Variants in ZDHHC7 observed in about 807,000 individuals in gnomAD.
The protein encoded by ZDHHC7 is zDHHC palmitoyltransferase 7, also known as palmitoyltransferase ZDHHC7.
Under a neutral mutation model 34.1 loss-of-function variants are expected in ZDHHC7, and 12 were observed. That is an observed-to-expected ratio of 0.35 (90% CI 0.23 to 0.57). The LOEUF is 0.57. ZDHHC7 is among the 20% of genes least tolerant of loss of function. ZDHHC7 has a pLI of 0.84. For synonymous variants in ZDHHC7, 185 were observed against 155.4 expected (o/e 1.19, Z -1.42); for missense variants, 388 against 402.7 (o/e 0.96, Z 0.31).
chr16:84,998,451 C>A (rs1248362696), intron 1 of ZDHHC7, among the ~76,000 whole-genome samples: 1 of 152,126 alleles, frequency 6.6e-6, no homozygotes, highest in Non-Finnish European at 1.5e-5. Context: ...CACGACAGTG[C>A]TTTTTCTGCC....
rs2072280568 is a variant in ZDHHC7 at position 84,975,296 on chromosome 16, T to G, written c.*1047A>C. Reference sequence around the variant, plus strand: ...TGGCTGCCTCATGGTCCCCTCCCCTTCCCAGAGGTGCCCAATGGCTGGGCC... The same window carrying G: ...TGGCTGCCTCATGGTCCCCTCCCCTGCCCAGAGGTGCCCAATGGCTGGGCC... On this transcript the variant is annotated 3_prime_UTR_variant, in exon 8 of 8. Transcript: ENST00000313732. 6.6e-6 allele frequency: 1 copy of G among 152,474 alleles called. No homozygotes were observed. The highest frequency in any genetic ancestry group is 6.5e-5 in the Admixed American group (1 of 15,286). 9.4% of individuals were successfully genotyped at this position (152,474 alleles called of 1,614,324 possible).
At chr16:85,010,746 G>A (rs2072780241) in intron 1 of ZDHHC7, among the ~76,000 whole-genome samples, 1 of 152,208 alleles carries the variant, frequency 6.6e-6, no homozygotes, top group Non-Finnish European at 1.5e-5. Context: ...TTACTGCCCT[G>A]AAAGCTTTAC....
At chr16:85,025,421 G>A in the ZDHHC7 span, among the ~76,000 whole-genome samples, 12 of 116,432 alleles carry the variant, frequency 1.0e-4, no homozygotes, top group African/African-American at 4.1e-4. Context: ...TTCCTTTTTT[G>A]GGGGGGGGGA....
At chr16:85,021,013 G>A in the ZDHHC7 span, among the ~76,000 whole-genome samples, 1 of 151,898 alleles carries the variant, frequency 6.6e-6, no homozygotes, top group Non-Finnish European at 1.5e-5. Context: ...GCTGAGGTGG[G>A]AGGATCGCTT....
chr16:84,985,307 G>C (rs939002776), intron 3 of ZDHHC7, among the ~76,000 whole-genome samples: 1 of 152,242 alleles, frequency 6.6e-6, no homozygotes, highest in Non-Finnish European at 1.5e-5. Context: ...TTCCAGGGCA[G>C]TTAGGCTTCG....
intron 1 of ZDHHC7, among the ~76,000 whole-genome samples, chr16:85,001,342 G>A (rs1412776732): frequency 4.6e-5 from 7 of 152,124 alleles, no homozygotes; most frequent in African/African-American, 1.7e-4. Flanking sequence ...ATGGTGGCCA[G>A]TACCTGTAAT....
At chr16:84,992,838 T>TTC (rs1400794377) in intron 2 of ZDHHC7, among the ~76,000 whole-genome samples, 1 of 152,204 alleles carries the variant, frequency 6.6e-6, no homozygotes. Flanking sequence ...TGGGTGTGAC[T>TTC]TTTTCTTTTC....
Position 84,990,457 on chromosome 16 carries a change from C to T in ZDHHC7, c.162G>A (p.Thr54=), listed in dbSNP as rs1450972662. Residue 54 remains threonine (T), a synonymous_variant, in exon 3 of 8, where the codon ACG becomes ACA. Transcript: ENST00000313732. The stretch of plus-strand genomic sequence containing the variant: ...AGTCTGCATAGGCGACCAGAAGCCA[C>T]GTCATGACAGCACAGATCATGCCGC... ...DGCGMICAVM[T]WLLVAYADFV... The T allele has an allele frequency of 1.1e-5, 18 of 1,614,034 alleles. No homozygotes were observed. Among genetic ancestry groups the T allele is most frequent in the Non-Finnish European group, 1.3e-5 (15 of 1,180,022 alleles).
chr16:85,006,089 G>A (rs2072713377), intron 1 of ZDHHC7, among the ~76,000 whole-genome samples: 1 of 152,182 alleles, frequency 6.6e-6, no homozygotes, highest in South Asian at 2.1e-4. Flanking sequence ...ACAGGCCAGA[G>A]GTGGCGGCTC....
chr16:85,015,186 G>C (rs956365996), upstream of ZDHHC7, among the ~76,000 whole-genome samples: 8 of 150,688 alleles, frequency 5.3e-5, no homozygotes, highest in Non-Finnish European at 1.0e-4. Context: ...TGCAACCTCC[G>C]CGTCCCAGGT....
At chr16:84,987,379 T>G (rs1199897973) in intron 3 of ZDHHC7, among the ~76,000 whole-genome samples, 2 of 151,974 alleles carry the variant, frequency 1.3e-5, no homozygotes, top group African/African-American at 4.8e-5. Flanking sequence ...GGCAATAATG[T>G]GTTGAAGATG....
chr16:85,024,379 G>C, the ZDHHC7 span, among the ~76,000 whole-genome samples: 1 of 150,692 alleles, frequency 6.6e-6, no homozygotes, highest in Non-Finnish European at 1.5e-5. Flanking sequence ...TTATAGGCAC[G>C]CGCCACCATG....
chr16:85,014,391 T>G (rs2072825832), upstream of ZDHHC7, among the ~76,000 whole-genome samples: 1 of 152,220 alleles, frequency 6.6e-6, no homozygotes, highest in South Asian at 2.1e-4. Flanking sequence ...TTCGTCAAGG[T>G]GCTCTTTTTT....
At chr16:85,015,934 G>C (rs973102236), upstream of ZDHHC7, among the ~76,000 whole-genome samples, 1 of 152,082 alleles carries the variant, frequency 6.6e-6, no homozygotes, top group African/African-American at 2.4e-5. Context: ...CTGGAATTTG[G>C]TGTCATATGA....
In ZDHHC7 at chr16:84,988,800, C is replaced by T. The variant is rs1353250163; in HGVS notation, c.315+1504G>A. 4 of 1,551,780 alleles carry T rather than the reference C, an allele frequency of 2.6e-6. No individual in the cohort carries two copies. In the South Asian group the frequency reaches 3.6e-5, roughly 14 times the overall value. ...TTGCACAGACTCGGTTCCCTCACCACAAATGCCCACAAGGGTTGGGTCCAG... is the reference window on the plus strand; with the variant it reads ...TTGCACAGACTCGGTTCCCTCACCATAAATGCCCACAAGGGTTGGGTCCAG... On this transcript the variant is annotated intron_variant, in intron 3 of 7. Coordinates refer to ENST00000313732, the MANE Select transcript of ZDHHC7 (RefSeq NM_017740.3).
intron 5 of ZDHHC7, 75 bp from the exon 6 acceptor site, chr16:84,978,080 C>T: frequency 8.0e-7 from 1 of 1,254,672 alleles, no homozygotes; most frequent in Non-Finnish European, 1.1e-6. Flanking sequence ...CTCTGTTGTC[C>T]AGGCTGGAAT....
At chr16:84,991,363 G>A (rs2072507314) in intron 2 of ZDHHC7, among the ~76,000 whole-genome samples, 1 of 152,090 alleles carries the variant, frequency 6.6e-6, no homozygotes, top group Non-Finnish European at 1.5e-5. Context: ...TTGGCTCACT[G>A]CAACCTCCGT....
chr16:84,976,405 C>A lies in ZDHHC7; in HGVS notation c.865G>T (p.Gly289Cys). 6.2e-7 allele frequency: 1 copy of A among 1,614,100 alleles called. No individual in the cohort carries two copies. The highest frequency in any genetic ancestry group is 1.1e-5 in the South Asian group (1 of 91,078). The part of the protein sequence containing the change: ...PSLLWMNPFV[G>C]FRFRRLPTRP... ...GTGGGCAGTCGCCTAAATCGGAAGC[C>A]CACAAAGGGATTCATCCAGAGGAGT... Residue 289 changes from glycine to cysteine, a missense_variant, in exon 8 of 8, where the codon GGC becomes TGC. Gly to Cys is a radical substitution (Grantham distance 159). Transcript: ENST00000313732.
the ZDHHC7 span, among the ~76,000 whole-genome samples, chr16:85,017,675 T>C: frequency 6.6e-6 from 1 of 152,188 alleles, no homozygotes; most frequent in African/African-American, 2.4e-5. Flanking sequence ...ATATAATTGA[T>C]ACCCGTGGGC....
Sources: gnomAD v4.1 joint callset for allele counts (sites outside exome capture counted in the v4.1 genomes callset) on GRCh38, gnomAD v4.1.1 for gene constraint, MANE v1.5 for transcripts, NCBI Gene and HGNC (gene_info 2026-07-23, HGNC 2026-07-21) for gene names.